The following DSCAM variants were observed in gnomAD, a reference collection of about 807,000 sequenced individuals.
The protein encoded by DSCAM is cell adhesion molecule DSCAM.
In DSCAM, 47 loss-of-function variants were observed where a neutral mutation model predicts 217.7. The observed-to-expected ratio is 0.22, with a 90% CI of 0.17 to 0.28. The LOEUF is 0.28. Ranked by LOEUF, DSCAM falls within the 10% of genes least tolerant of loss-of-function variation. DSCAM has a pLI of 1.00. For missense variants in DSCAM, 2,080 were observed against 2,618.3 expected (o/e 0.79, Z 4.49); for synonymous variants, 1,056 against 1,015.3 (o/e 1.04, Z -0.76).
At chr21:40,548,089 C>T (rs1436744538) in intron 3 of DSCAM, among the ~76,000 whole-genome samples, 1 of 152,218 alleles carries the variant, frequency 6.6e-6, no homozygotes, top group Non-Finnish European at 1.5e-5. Flanking sequence ...TCCCCATTGC[C>T]TGCACCCTCA....
At chr21:40,285,105 T>C (rs1332599408) in intron 10 of DSCAM, among the ~76,000 whole-genome samples, 4 of 152,248 alleles carry the variant, frequency 2.6e-5, no homozygotes, top group African/African-American at 9.6e-5. Flanking sequence ...ACTTATCAGA[T>C]AATTGATCCA....
At chr21:40,814,072 G>A (rs1305853560) in intron 1 of DSCAM, among the ~76,000 whole-genome samples, 1 of 152,160 alleles carries the variant, frequency 6.6e-6, no homozygotes, top group African/African-American at 2.4e-5. Context: ...ATTCACTGTT[G>A]CAGCCAAGCA....
At chr21:40,552,347 C>T (rs923210037) in intron 3 of DSCAM, among the ~76,000 whole-genome samples, 23 of 152,134 alleles carry the variant, frequency 1.5e-4, no homozygotes, top group Non-Finnish European at 3.2e-4. Context: ...CTTCCTAGAC[C>T]CTTCCAATGA....
intron 18 of DSCAM, 122 bp from the exon 19 acceptor site, chr21:40,134,131 A>G (rs403892): frequency 0.39 from 480,889 of 1,247,988 alleles, 97,486 homozygotes; most frequent in South Asian, 0.5. Context: ...TCATCTGGAC[A>G]CGAGAATTCT....
intron 11 of DSCAM, among the ~76,000 whole-genome samples, chr21:40,234,278 C>G (rs966213959): frequency 6.6e-6 from 1 of 152,170 alleles, no homozygotes; most frequent in African/African-American, 2.4e-5. Flanking sequence ...GAAGTCAACT[C>G]GTCTCTGGTA....
chr21:40,229,648 A>C (rs1259028855), intron 11 of DSCAM, among the ~76,000 whole-genome samples: 5 of 152,162 alleles, frequency 3.3e-5, no homozygotes, highest in Non-Finnish European at 7.3e-5. Flanking sequence ...CTTAATATGC[A>C]CTTAATTTTA....
intron 11 of DSCAM, among the ~76,000 whole-genome samples, chr21:40,215,958 A>T (rs1300505131): frequency 1.3e-5 from 2 of 151,042 alleles, no homozygotes; most frequent in East Asian, 3.9e-4. Context: ...AAAAAAAACA[A>T]CTTTGGTATT....
At chr21:40,671,851 G>T (rs946197139) in intron 3 of DSCAM, among the ~76,000 whole-genome samples, 1 of 152,322 alleles carries the variant, frequency 6.6e-6, no homozygotes, top group South Asian at 2.1e-4. Flanking sequence ...AGAAACCACA[G>T]TCAGACAGAA....
intron 3 of DSCAM, among the ~76,000 whole-genome samples, chr21:40,606,180 A>C (rs116366447): frequency 7.4e-4 from 113 of 152,350 alleles, no homozygotes; most frequent in African/African-American, 2.6e-3. Context: ...AGGAATATGA[A>C]TATCATAAAT....
Position 40,243,399 on chromosome 21 carries a change from T to G in DSCAM, c.2356+32698A>C, listed in dbSNP as rs371734167. On this transcript the variant is annotated intron_variant, in intron 11 of 32. Transcript: ENST00000400454. ...TCTTAAATGCATTTCTTTTTCTTTTTCAATAGTGAAAGGTAGTGAAAAAAG... is the reference window on the plus strand; with the variant it reads ...TCTTAAATGCATTTCTTTTTCTTTTGCAATAGTGAAAGGTAGTGAAAAAAG... Among the ~76,000 whole-genome samples, 13 of 152,326 alleles carry G rather than the reference T, an allele frequency of 8.5e-5. No homozygotes were observed. In the East Asian group the frequency reaches 2.3e-3, roughly 27 times the overall value.
intron 6 of DSCAM, among the ~76,000 whole-genome samples, chr21:40,342,076 A>C (rs757919831): frequency 2.0e-5 from 3 of 152,246 alleles, no homozygotes; most frequent in Non-Finnish European, 2.9e-5. Context: ...CCTATTGGCC[A>C]TCCGTGTGTT....
At chr21:40,288,993 T>A (rs2123424866) in intron 10 of DSCAM, among the ~76,000 whole-genome samples, 1 of 152,314 alleles carries the variant, frequency 6.6e-6, no homozygotes. Context: ...CCTACTTTAT[T>A]TATTTTACTA....
rs1467734024 is a variant in DSCAM, at chr21:40,177,020, G to T, written c.2947+1907C>A. ...GGAAAAATGCTGTTTTCCCGAGGAG[G>T]TGGCTGGGATGGGGCGAGATTAGAA... is the stretch of plus-strand genomic sequence containing the variant. On this transcript the variant is annotated intron_variant, in intron 15 of 32. Transcript: ENST00000400454. 3.9e-5 allele frequency among the ~76,000 whole-genome samples: 6 copies of T among 152,346 alleles called. No homozygotes were observed. The South Asian group carries it at 8.3e-4, about 21-fold the overall frequency.
At chr21:40,137,626 CACACACACACACACACACAT>C (rs2090228354) in intron 18 of DSCAM, among the ~76,000 whole-genome samples, 1 of 135,074 alleles carries the variant, frequency 7.4e-6, no homozygotes, top group African/African-American at 2.8e-5. Context: ...CACACACACA[CACACACACACACACACACAT>C]TAACTGAAGT....
At chr21:40,393,681 T>C (rs1253570187) in intron 3 of DSCAM, among the ~76,000 whole-genome samples, 1 of 152,200 alleles carries the variant, frequency 6.6e-6, no homozygotes, top group African/African-American at 2.4e-5. Flanking sequence ...TTTGCATATA[T>C]CCGTCTATGC....
intron 3 of DSCAM, among the ~76,000 whole-genome samples, chr21:40,559,458 CAAA>C (rs59510708): frequency 0.076 from 8,755 of 115,926 alleles, 367 homozygotes; most frequent in East Asian, 0.25. Flanking sequence ...GACCCCGTCT[CAAA>C]AAAAAAAAAA....
chr21:40,431,166 T>C (rs2075527795), intron 3 of DSCAM, among the ~76,000 whole-genome samples: 1 of 152,218 alleles, frequency 6.6e-6, no homozygotes, highest in African/African-American at 2.4e-5. Context: ...CAGAAAAACT[T>C]CCATCTAAAC....
At chr21:40,171,859 G>A (rs2837478) in intron 15 of DSCAM, among the ~76,000 whole-genome samples, 86,845 of 152,032 alleles carry the variant, frequency 0.57, 25,952 homozygotes, top group African/African-American at 0.75. Context: ...TAAAATTACA[G>A]TCCAAAGCCG....
intron 3 of DSCAM, among the ~76,000 whole-genome samples, chr21:40,389,807 G>C (rs1455552028): frequency 6.6e-6 from 1 of 152,216 alleles, no homozygotes; most frequent in Non-Finnish European, 1.5e-5. Flanking sequence ...ACGTGTTCAT[G>C]CATCAAGGAA....
Sources: allele counts gnomAD v4.1 joint callset (sites outside exome capture counted in the v4.1 genomes callset), GRCh38; gene constraint gnomAD v4.1.1; transcripts MANE v1.5; gene names NCBI Gene and HGNC (gene_info 2026-07-23, HGNC 2026-07-21).